The following HDAC4 variants were observed in gnomAD, a reference collection of about 807,000 sequenced individuals.
HDAC4 encodes histone deacetylase 4.
In HDAC4, 16 loss-of-function variants were observed where a neutral mutation model predicts 135.1. That is an observed-to-expected ratio of 0.12 (90% CI 0.08 to 0.18). HDAC4 has a LOEUF of 0.18. Among genes scored for constraint, HDAC4 ranks in the 10% least tolerant of loss-of-function variants. The pLI is 1.00. For synonymous variants in HDAC4, 685 were observed against 653.4 expected (o/e 1.05, Z -0.74); for missense variants, 1,143 against 1,511.8 (o/e 0.76, Z 4.05).
chr2:239,156,097 GTGCCTAAA>G (rs2042405993), intron 7 of HDAC4, among the ~76,000 whole-genome samples: 2 of 152,242 alleles, frequency 1.3e-5, no homozygotes, highest in Non-Finnish European at 2.9e-5. Context: ...GCACCTGCTT[GTGCCTAAA>G]TGCCCTTCTC....
chr2:239,359,522 C>T (rs1404996791), intron 1 of HDAC4, among the ~76,000 whole-genome samples: 1 of 152,214 alleles, frequency 6.6e-6, no homozygotes, highest in East Asian at 1.9e-4. Context: ...GGGGTCGGGT[C>T]TAGGATAGGC....
chr2:239,247,141 G>A lies in HDAC4; in HGVS notation c.23-10477C>T, dbSNP rs79733673. ...TGGAGACTAGCTCTGCGGTCTGCTC[G>A]TGGATAACCGCGCTCCCTCGCTGCC... On this transcript the variant is annotated intron_variant, in intron 2 of 26. Coordinates refer to ENST00000543185, the MANE Select transcript of HDAC4 (RefSeq NM_001378414.1). Among the ~76,000 whole-genome samples the A allele has an allele frequency of 3.2e-3, 487 of 152,360 alleles. 3 individuals are homozygous for A. The highest frequency in any genetic ancestry group is 0.011 in the African/African-American group (461 of 41,576).
At chr2:239,097,534 C>T (rs564414184) in intron 16 of HDAC4, among the ~76,000 whole-genome samples, 4 of 152,366 alleles carry the variant, frequency 2.6e-5, no homozygotes, top group South Asian at 2.1e-4. Context: ...CCCTCATCCC[C>T]GCAGGCATGT....
chr2:239,145,713 C>T, intron 7 of HDAC4, among the ~76,000 whole-genome samples: 1 of 152,116 alleles, frequency 6.6e-6, no homozygotes, highest in Non-Finnish European at 1.5e-5. Flanking sequence ...GGAGATTTTA[C>T]CTCTTCTTAA....
At chr2:239,058,944 G>A (rs1294457689) in intron 24 of HDAC4, among the ~76,000 whole-genome samples, 2 of 152,196 alleles carry the variant, frequency 1.3e-5, no homozygotes, top group African/African-American at 4.8e-5. Flanking sequence ...GTCTCTGCAG[G>A]CTGACCACGC....
intron 1 of HDAC4, among the ~76,000 whole-genome samples, chr2:239,380,570 G>A (rs1488552974): frequency 1.3e-5 from 2 of 152,146 alleles, no homozygotes; most frequent in African/African-American, 2.4e-5. Context: ...ATGGGTGTAT[G>A]TTAATAGCTT....
At chr2:239,208,544 T>C (rs1408092301) in intron 3 of HDAC4, among the ~76,000 whole-genome samples, 2 of 152,072 alleles carry the variant, frequency 1.3e-5, no homozygotes, top group Non-Finnish European at 2.9e-5. Context: ...TCCCAGCAAA[T>C]ATTGCTTTTA....
chr2:239,273,355 C>T (rs925900451), intron 2 of HDAC4, among the ~76,000 whole-genome samples: 18 of 152,286 alleles, frequency 1.2e-4, no homozygotes, highest in East Asian at 5.8e-4. Flanking sequence ...CAAAAACAAA[C>T]GACAAAACTC....
In HDAC4 at chr2:239,308,387, T is replaced by C. The variant is rs1313197574; in HGVS notation, c.22+44291A>G. Among the ~76,000 whole-genome samples the C allele has an allele frequency of 1.3e-5, 2 of 152,176 alleles. No individual in the cohort carries two copies. Among genetic ancestry groups the C allele is most frequent in the Non-Finnish European group, 2.9e-5 (2 of 68,032 alleles). On this transcript the variant is annotated intron_variant, in intron 2 of 26. Coordinates refer to ENST00000543185, the MANE Select transcript of HDAC4 (RefSeq NM_001378414.1). The surrounding 1 kb of genome is among the most constrained non-coding windows in gnomAD (Gnocchi z 4.2). ...TCCTAATAAGAATTCCACACTTCCA[T>C]GAGGCTGTAATCAACTTGGGAGTGA...
At chr2:239,208,428 T>C (rs1167253233) in intron 3 of HDAC4, among the ~76,000 whole-genome samples, 2 of 150,298 alleles carry the variant, frequency 1.3e-5, no homozygotes, top group Non-Finnish European at 2.9e-5. Context: ...ATCTTCAGAA[T>C]GAAAGTAAGT....
chr2:239,070,963 A>G (rs2034136400), intron 22 of HDAC4, among the ~76,000 whole-genome samples: 1 of 151,200 alleles, frequency 6.6e-6, no homozygotes, highest in Non-Finnish European at 1.5e-5. Flanking sequence ...ATGAAGAAAA[A>G]TAAGTGCCCT....
intron 1 of HDAC4, among the ~76,000 whole-genome samples, chr2:239,387,335 GC>G (rs1695882417): frequency 6.6e-6 from 1 of 152,218 alleles, no homozygotes; most frequent in South Asian, 2.1e-4. Context: ...AGGCCAGGAG[GC>G]CACTTCCAGC....
intron 12 of HDAC4, among the ~76,000 whole-genome samples, chr2:239,119,338 C>G (rs1209260272): frequency 6.6e-6 from 1 of 152,148 alleles, no homozygotes; most frequent in Admixed American, 6.5e-5. Context: ...GGAGGGAGAG[C>G]AGCAGCCAGG....
intron 3 of HDAC4, among the ~76,000 whole-genome samples, chr2:239,222,805 C>T (rs574841342): frequency 3.5e-4 from 53 of 152,290 alleles, no homozygotes; most frequent in African/African-American, 1.3e-3. Flanking sequence ...GATCTCCTTT[C>T]GTCCTCACAG....
chr2:239,183,375 G>A lies in HDAC4; in HGVS notation c.339+6458C>T, dbSNP rs931024916. On this transcript the variant is annotated intron_variant, in intron 4 of 26. Transcript: ENST00000543185. Reference sequence around the variant, plus strand: ...CTTGCCAGGGGAACAGCCCCAGAGTGGGCAGATGCCGCGCCCGCATAAAGC... The same window carrying A: ...CTTGCCAGGGGAACAGCCCCAGAGTAGGCAGATGCCGCGCCCGCATAAAGC... Among the ~76,000 whole-genome samples, 9 of 152,370 alleles carry A rather than the reference G, an allele frequency of 5.9e-5. No homozygotes were observed. In the South Asian group the frequency reaches 1.9e-3, roughly 32 times the overall value.
chr2:239,206,082 C>G (rs566769975), intron 3 of HDAC4, among the ~76,000 whole-genome samples: 2 of 152,286 alleles, frequency 1.3e-5, no homozygotes, highest in South Asian at 4.1e-4. Flanking sequence ...CAATCCCACA[C>G]TTTGGGAGGC....
At chr2:239,347,573 T>C (rs1225310945) in intron 2 of HDAC4, among the ~76,000 whole-genome samples, 2 of 152,190 alleles carry the variant, frequency 1.3e-5, no homozygotes, top group African/African-American at 2.4e-5. Context: ...TACAGTGCAG[T>C]GGCACCATCT....
rs1215656357 is a variant in HDAC4 at position 239,141,899 on chromosome 2, G to A, written c.866-2103C>T. Among the ~76,000 whole-genome samples, 4 of 152,168 alleles carry A rather than the reference G, an allele frequency of 2.6e-5. No individual in the cohort carries two copies. Among genetic ancestry groups the A allele is most frequent in the Non-Finnish European group, 5.9e-5 (4 of 68,036 alleles). On this transcript the variant is annotated intron_variant, in intron 8 of 26. Transcript: ENST00000543185. The surrounding 1 kb of genome is among the most constrained non-coding windows in gnomAD (Gnocchi z 4.9). ...TAGGTCTAAGAAAATTCATATAAAT[G>A]CATAATCTTCATAGTATTACTTAGA...
chr2:239,107,032 C>A (rs1039184788), intron 15 of HDAC4, among the ~76,000 whole-genome samples: 11 of 152,208 alleles, frequency 7.2e-5, no homozygotes, highest in African/African-American at 2.7e-4. Flanking sequence ...TGTTGCCAGC[C>A]CCTCTCTACA....
Sources: gnomAD v4.1 joint callset for allele counts (sites outside exome capture counted in the v4.1 genomes callset) on GRCh38, gnomAD v4.1.1 for gene constraint, Gnocchi (gnomAD v3.1) non-coding constraint, MANE v1.5 for transcripts, NCBI Gene and HGNC (gene_info 2026-07-23, HGNC 2026-07-21) for gene names.